SRPRB: variants seen among roughly 807,000 people sequenced by gnomAD.
The protein encoded by SRPRB is SRP receptor subunit beta.
In SRPRB, 20 loss-of-function variants were observed where a neutral mutation model predicts 31.9. The observed-to-expected ratio is 0.63, with a 90% CI of 0.44 to 0.91. The LOEUF (loss-of-function observed/expected upper bound fraction) is 0.91. Among genes scored for constraint, SRPRB ranks in the 40% least tolerant of loss-of-function variants. The pLI is 0.00. For missense variants in SRPRB, 321 were observed against 324.9 expected (o/e 0.99, Z 0.09); for synonymous variants, 146 against 132.8 (o/e 1.10, Z -0.68).
At chr3:133,815,760 T>C in intron 5 of SRPRB, 34 bp downstream of exon 5, 1 of 1,603,362 alleles carries the variant, frequency 6.2e-7, no homozygotes. Flanking sequence ...AATAATTGAG[T>C]TTTTTGGGGA....
At chr3:133,797,236 A>C (rs1934990410) in intron 1 of SRPRB, among the ~76,000 whole-genome samples, 1 of 152,258 alleles carries the variant, frequency 6.6e-6, no homozygotes, top group South Asian at 2.1e-4. Flanking sequence ...ACTTTGTGTT[A>C]AAAATTCATA....
chr3:133,791,011 C>G (rs1009299552), intron 1 of SRPRB: 1 of 152,112 alleles, frequency 6.6e-6, no homozygotes, highest in African/African-American at 2.4e-5. Context: ...CATTTATTCT[C>G]CTCTGGCTTT....
intron 1 of SRPRB, chr3:133,796,474 C>G (rs1934975184): frequency 6.6e-6 from 1 of 152,264 alleles, no homozygotes; most frequent in Non-Finnish European, 1.5e-5. Flanking sequence ...TGGGAAATGT[C>G]TTCTGTATTT....
rs565111503 is a variant in SRPRB, at chr3:133,819,980, T to C, written c.*214T>C. On this transcript the variant is annotated 3_prime_UTR_variant, in exon 7 of 7. Coordinates refer to ENST00000678299, the MANE Select transcript of SRPRB (RefSeq NM_001379313.1). ...TATGGCTGCCTTTCAAACAAGTACC[T>C]TTTATCTGATGCCTGTATCTTCCCT... 1 of 536,990 alleles carries C rather than the reference T, an allele frequency of 1.9e-6. No homozygotes were observed. Among genetic ancestry groups the C allele is most frequent in the East Asian group, 3.2e-5 (1 of 31,586 alleles). The allele number at this position is 536,990 out of a possible 1,614,324, so 33.3% of individuals were successfully genotyped here.
At chr3:133,808,750 G>A (rs549572477) in intron 3 of SRPRB, among the ~76,000 whole-genome samples, 2 of 151,676 alleles carry the variant, frequency 1.3e-5, no homozygotes, top group Non-Finnish European at 2.9e-5. Flanking sequence ...AATTAGCCGG[G>A]TGTGGTGGTG....
At chr3:133,815,506 T>C (rs1357494793) in intron 4 of SRPRB, 84 bp from the exon 5 acceptor site, 10 of 1,543,690 alleles carry the variant, frequency 6.5e-6, no homozygotes, top group African/African-American at 1.4e-5. Context: ...AAGATTGACT[T>C]TGAAGAAGTT....
chr3:133,801,210 T>C (rs1248898419), upstream of SRPRB, among the ~76,000 whole-genome samples: 1 of 152,208 alleles, frequency 6.6e-6, no homozygotes, highest in East Asian at 1.9e-4. Context: ...TTTTAGTTTA[T>C]GGAAGAGAAG....
chr3:133,807,072 G>A (rs978004138), intron 2 of SRPRB, among the ~76,000 whole-genome samples: 2 of 151,892 alleles, frequency 1.3e-5, no homozygotes, highest in Non-Finnish European at 2.9e-5. Context: ...TTTTTCACAG[G>A]GTGATCCTTC....
chr3:133,786,227 A>AAAAAAC (rs1934679388), intron 1 of SRPRB: 1 of 76,938 alleles, frequency 1.3e-5, no homozygotes, highest in Non-Finnish European at 3.3e-5. Context: ...TAAATTAAAA[A>AAAAAAC]AAAAAAAAAA....
At position 133,820,366 on chromosome 3, in the gene SRPRB, T is replaced by C. The variant is rs1935450675; in HGVS notation, c.*600T>C. On this transcript the variant is annotated 3_prime_UTR_variant, in exon 7 of 7. Coordinates refer to ENST00000678299, the MANE Select transcript of SRPRB (RefSeq NM_001379313.1). ...ACTTGTCCACACTCGTCTTAGCACT[T>C]ACGTTTCAAAAGCTTGTCACAAACC... 6.5e-6 allele frequency: 1 copy of C among 154,236 alleles called. No individual in the cohort carries two copies. The highest frequency in any genetic ancestry group is 1.4e-5 in the Non-Finnish European group (1 of 69,350). 9.6% of individuals were successfully genotyped at this position (154,236 alleles called of 1,614,324 possible). A position where few individuals can be genotyped will look rare whatever the true frequency, so the allele number is the denominator to read the frequency against.
chr3:133,811,947 C>A (rs1935270660), intron 4 of SRPRB, among the ~76,000 whole-genome samples: 1 of 152,034 alleles, frequency 6.6e-6, no homozygotes, highest in South Asian at 2.1e-4. Context: ...TTCCATATTT[C>A]TTTTAGTGTG....
At chr3:133,809,999 ACT>A (rs1576382729) in intron 3 of SRPRB, among the ~76,000 whole-genome samples, 1 of 151,642 alleles carries the variant, frequency 6.6e-6, no homozygotes, top group South Asian at 2.1e-4. Flanking sequence ...TTCCCTCTTC[ACT>A]CTTTCTCCTA....
upstream of SRPRB, among the ~76,000 whole-genome samples, chr3:133,801,993 T>C (rs1482738693): frequency 6.7e-6 from 1 of 150,250 alleles, no homozygotes; most frequent in African/African-American, 2.4e-5. Context: ...GAAGCCCAAT[T>C]GCCTGGGATG....
At chr3:133,796,130 C>A (rs1934964415) in intron 1 of SRPRB, 2 of 153,460 alleles carry the variant, frequency 1.3e-5, no homozygotes, top group African/African-American at 4.8e-5. Context: ...AAATTAATTT[C>A]CTCTCGCCAA....
intron 3 of SRPRB, among the ~76,000 whole-genome samples, chr3:133,808,520 G>A (rs1309056134): frequency 6.6e-6 from 1 of 152,056 alleles, no homozygotes; most frequent in Non-Finnish European, 1.5e-5. Context: ...ATTTAGTTTT[G>A]TTATTATAAC....
downstream of SRPRB, among the ~76,000 whole-genome samples, chr3:133,823,161 T>A (rs1935501138): frequency 6.6e-6 from 1 of 152,262 alleles, no homozygotes. Context: ...CCAACGGGAC[T>A]GCCACTTTTC....
chr3:133,812,447 T>C (rs1392609049), intron 4 of SRPRB, among the ~76,000 whole-genome samples: 2 of 152,276 alleles, frequency 1.3e-5, no homozygotes, highest in Non-Finnish European at 2.9e-5. Flanking sequence ...TTTTATGATT[T>C]GCAGTATAAC....
intron 6 of SRPRB, among the ~76,000 whole-genome samples, chr3:133,817,799 A>G (rs1935392511): frequency 6.6e-6 from 1 of 152,174 alleles, no homozygotes; most frequent in African/African-American, 2.4e-5. Context: ...GTGGATGCCA[A>G]GACTGCAGTT....
chr3:133,819,865 GT>G lies in SRPRB; in HGVS notation c.*101del. ...TGATGAGGAAGGGGTACAAGATGTG[GT>G]TAGAAACATTTCTTTGTTCTGGAAA... On this transcript the variant is annotated 3_prime_UTR_variant, in exon 7 of 7. Coordinates refer to ENST00000678299, the MANE Select transcript of SRPRB (RefSeq NM_001379313.1). The G allele has an allele frequency of 9.4e-7, 1 of 1,060,632 alleles. No individual in the cohort carries two copies. 65.7% of individuals were successfully genotyped at this position (1,060,632 alleles called of 1,614,324 possible).
Sources: gnomAD v4.1 joint callset for allele counts (sites outside exome capture counted in the v4.1 genomes callset) on GRCh38, gnomAD v4.1.1 for gene constraint, MANE v1.5 for transcripts, NCBI Gene and HGNC (gene_info 2026-07-23, HGNC 2026-07-21) for gene names.